SIK3: variants seen among roughly 807,000 people sequenced by gnomAD.
The protein encoded by SIK3 is SIK family kinase 3.
SIK3 carries 28 observed loss-of-function variants against 144.2 expected under a neutral mutation model. That is an observed-to-expected ratio of 0.19 (90% CI 0.14 to 0.27). The LOEUF is 0.27. Among genes scored for constraint, SIK3 ranks in the 10% least tolerant of loss-of-function variants. The probability of loss-of-function intolerance (pLI) is 1.00; values close to 1 mark genes in which losing one functional copy is unlikely to be tolerated. For synonymous variants in SIK3, 686 were observed against 676.3 expected (o/e 1.01, Z -0.22); for missense variants, 1,319 against 1,776.0 (o/e 0.74, Z 4.62).
At chr11:117,043,485 T>C (rs1259466033) in intron 1 of SIK3, among the ~76,000 whole-genome samples, 2 of 152,176 alleles carry the variant, frequency 1.3e-5, no homozygotes, top group South Asian at 2.1e-4. Flanking sequence ...ATTCAACACA[T>C]GTAACTAAAC....
chr11:117,082,218 T>C (rs1163903523), intron 1 of SIK3, among the ~76,000 whole-genome samples: 1 of 152,154 alleles, frequency 6.6e-6, no homozygotes, highest in Admixed American at 6.6e-5. Context: ...GAAAACAGTT[T>C]GGAAGTTGCT....
chr11:117,049,938 C>A (rs145547134), intron 1 of SIK3, among the ~76,000 whole-genome samples: 56 of 144,952 alleles, frequency 3.9e-4, no homozygotes, highest in African/African-American at 1.2e-3. Context: ...CCAGCCTGGG[C>A]GTCTGAGCGA....
intron 6 of SIK3, among the ~76,000 whole-genome samples, chr11:116,877,472 T>G (rs1322333896): frequency 6.6e-6 from 1 of 152,214 alleles, no homozygotes; most frequent in East Asian, 1.9e-4. Context: ...TGCTTTTGGC[T>G]TAGGTGTGCA....
intron 1 of SIK3, among the ~76,000 whole-genome samples, chr11:117,095,982 C>T (rs889311662): frequency 1.3e-4 from 20 of 152,126 alleles, no homozygotes; most frequent in African/African-American, 4.3e-4. Context: ...ACAGTGACAC[C>T]CGTTTGTAAA....
intron 6 of SIK3, among the ~76,000 whole-genome samples, chr11:116,884,805 C>T (rs1285471447): frequency 7.1e-6 from 1 of 141,432 alleles, no homozygotes; most frequent in Non-Finnish European, 1.5e-5. Flanking sequence ...CAGTTTTACA[C>T]AAACAAAGAA....
At chr11:116,855,821 G>C (rs577949014) in intron 21 of SIK3, 2 of 152,344 alleles carry the variant, frequency 1.3e-5, no homozygotes, top group South Asian at 2.1e-4. Flanking sequence ...TGGTAAATGG[G>C]AATAAGAGTT....
In SIK3 at chr11:116,858,487, G is replaced by A. The variant is rs770197979; in HGVS notation, c.2978C>T (p.Ser993Leu). 2.5e-6 allele frequency: 4 copies of A among 1,608,284 alleles called. No individual in the cohort carries two copies. Among genetic ancestry groups the A allele is most frequent in the East Asian group, 2.2e-5 (1 of 44,806 alleles). The change falls in exon 21 of 25, where the codon TCG (serine) becomes TTG (leucine). Residue 993 changes from serine (S) to leucine (L), a missense_variant. Around this residue, in one of 8 missense-constraint regions of SIK3, gnomAD observed 646 missense variants for 763.7 expected, o/e 0.85. Coordinates refer to ENST00000445177, the MANE Select transcript of SIK3 (RefSeq NM_001366686.3). This position sits in a 1 kb window ranked among gnomAD's most constrained non-coding sequence, Gnocchi z 5.4. ...AGACAGCAGGGCCTGCTGTAGTGCC[G>A]ACGTGGTATAGTGTGGCGGCTGCTG... ...AHQQPPHYTTSALQQALLSPT... is the reference protein window; with the variant it reads ...AHQQPPHYTTLALQQALLSPT...
intron 1 of SIK3, among the ~76,000 whole-genome samples, chr11:117,096,484 C>A (rs1955477103): frequency 1.3e-5 from 2 of 152,284 alleles, no homozygotes; most frequent in Middle Eastern, 3.4e-3. Context: ...ACTGGAAACA[C>A]GGTGAGGGGC....
chr11:116,868,677 T>C (rs886599023), intron 14 of SIK3: 1 of 152,844 alleles, frequency 6.5e-6, no homozygotes. Flanking sequence ...AAACTGATGT[T>C]GTCCTTGGGG....
At chr11:116,981,234 G>C (rs917969159) in intron 1 of SIK3, among the ~76,000 whole-genome samples, 4 of 152,230 alleles carry the variant, frequency 2.6e-5, no homozygotes, top group Non-Finnish European at 5.9e-5. Context: ...GCTTGATAGA[G>C]AACTGAAGGA....
At chr11:117,029,740 C>T (rs1216076190) in intron 1 of SIK3, among the ~76,000 whole-genome samples, 1 of 152,090 alleles carries the variant, frequency 6.6e-6, no homozygotes, top group Non-Finnish European at 1.5e-5. Flanking sequence ...ATGGGTCATA[C>T]TGCCATCAGT....
intron 3 of SIK3, among the ~76,000 whole-genome samples, chr11:116,949,237 A>G (rs1948817121): frequency 6.6e-6 from 1 of 152,182 alleles, no homozygotes; most frequent in South Asian, 2.1e-4. Context: ...AGTGAAGTTT[A>G]TTTCTCCATA....
intron 1 of SIK3, among the ~76,000 whole-genome samples, chr11:117,046,332 A>C (rs916130092): frequency 2.0e-5 from 3 of 152,204 alleles, no homozygotes; most frequent in Non-Finnish European, 4.4e-5. Context: ...AAGCATCTTG[A>C]GGGCAAAAAT....
intron 1 of SIK3, among the ~76,000 whole-genome samples, chr11:116,986,276 T>A (rs75212922): frequency 0.073 from 11,047 of 152,258 alleles, 497 homozygotes; most frequent in Middle Eastern, 0.11. Flanking sequence ...ACTCTGCAAC[T>A]TAGTCTCTTA....
chr11:116,893,610 GC>G, intron 6 of SIK3, among the ~76,000 whole-genome samples: 1 of 152,074 alleles, frequency 6.6e-6, no homozygotes, highest in Non-Finnish European at 1.5e-5. Flanking sequence ...AGGTCCAGCT[GC>G]AGTGAGCCAC....
chr11:116,995,936 G>A (rs966164050), intron 1 of SIK3, among the ~76,000 whole-genome samples: 4 of 152,110 alleles, frequency 2.6e-5, no homozygotes, highest in African/African-American at 9.7e-5. Context: ...AATCATTTGA[G>A]CCCAAGGAGT....
In SIK3 at chr11:117,039,490, G is replaced by A. The variant is rs1591591394; in HGVS notation, c.273+58653C>T. Among the ~76,000 whole-genome samples, 3 of 152,132 alleles carry A rather than the reference G, an allele frequency of 2.0e-5. No homozygotes were observed. The East Asian group carries it at 5.8e-4, about 29-fold the overall frequency. On this transcript the variant is annotated intron_variant, in intron 1 of 24. Transcript: ENST00000445177. ...GTTACTAATGTATGATGTTTGCAGT[G>A]TATAAATGGTGCAATGTACACTACA...
intron 1 of SIK3, among the ~76,000 whole-genome samples, chr11:117,069,986 A>C (rs1485322510): frequency 6.6e-6 from 1 of 152,224 alleles, no homozygotes; most frequent in Non-Finnish European, 1.5e-5. Flanking sequence ...TAGGTGAGTT[A>C]CTTTTAACAC....
chr11:117,047,687 T>C lies in SIK3; in HGVS notation c.273+50456A>G, dbSNP rs528771911. On this transcript the variant is annotated intron_variant, in intron 1 of 24. Coordinates refer to ENST00000445177, the MANE Select transcript of SIK3 (RefSeq NM_001366686.3). ...GGCCAGATGTGGTGGCTCATGCCTG[T>C]AATCCCAGCACTTCGGAGGCCGAGG... 1.9e-4 allele frequency among the ~76,000 whole-genome samples: 29 copies of C among 152,314 alleles called. No homozygotes were observed. The East Asian group carries it at 5.2e-3, about 27-fold the overall frequency.
Sources: gnomAD v4.1 joint callset for allele counts (sites outside exome capture counted in the v4.1 genomes callset) on GRCh38, gnomAD v4.1.1 for gene constraint, gnomAD v4.1.1 regional missense constraint, Gnocchi (gnomAD v3.1) non-coding constraint, MANE v1.5 for transcripts, NCBI Gene and HGNC (gene_info 2026-07-23, HGNC 2026-07-21) for gene names.